NOVA1: variants seen among roughly 807,000 people sequenced by gnomAD.
NOVA1 encodes RNA-binding protein Nova-1.
A neutral mutation model predicts 38.0 loss-of-function variants in NOVA1; 7 were observed. That is an observed-to-expected ratio of 0.18 (90% CI 0.10 to 0.35). NOVA1 has a LOEUF of 0.35. Ranked by LOEUF, NOVA1 falls within the 10% of genes least tolerant of loss-of-function variation. NOVA1 has a pLI of 1.00. For synonymous variants in NOVA1, 270 were observed against 232.5 expected (o/e 1.16, Z -1.47); for missense variants, 460 against 616.0 (o/e 0.75, Z 2.68).
At chr14:26,456,091 T>C (rs1050998952) in intron 4 of NOVA1, among the ~76,000 whole-genome samples, 1 of 152,010 alleles carries the variant, frequency 6.6e-6, no homozygotes. Flanking sequence ...AAGACATATG[T>C]TCAGAGTTCT....
chr14:26,539,870 G>GA (rs5807369), intron 2 of NOVA1, among the ~76,000 whole-genome samples: 75 of 147,996 alleles, frequency 5.1e-4, no homozygotes, highest in East Asian at 1.4e-3. Context: ...AGAGGCAAAG[G>GA]AAAAAAAAAA....
intron 3 of NOVA1, among the ~76,000 whole-genome samples, chr14:26,474,967 T>A (rs906600962): frequency 6.6e-6 from 1 of 152,006 alleles, no homozygotes; most frequent in Non-Finnish European, 1.5e-5. Context: ...CAGTTGATTG[T>A]TTTTTAAATA....
rs141249561 is a variant in NOVA1 at position 26,455,835 on chromosome 14, T to C, written c.520-6872A>G. ...AAAACTACTAGAAGTTAAATAACTA[T>C]GAAAAAACTATGAAGGTCATATAAT... On this transcript the variant is annotated intron_variant, in intron 4 of 4. Coordinates refer to ENST00000539517, the MANE Select transcript of NOVA1 (RefSeq NM_002515.3). 4.0e-3 allele frequency among the ~76,000 whole-genome samples: 601 copies of C among 152,040 alleles called. 5 individuals carry two copies. The highest frequency in any genetic ancestry group is 0.014 in the African/African-American group (564 of 41,532).
chr14:26,577,482 C>A (rs1892930581), intron 2 of NOVA1, among the ~76,000 whole-genome samples: 1 of 152,048 alleles, frequency 6.6e-6, no homozygotes. Flanking sequence ...ATACTGAATT[C>A]ACAGCCAACC....
chr14:26,554,201 G>C (rs1891341148), intron 2 of NOVA1, among the ~76,000 whole-genome samples: 1 of 143,620 alleles, frequency 7.0e-6, no homozygotes, highest in African/African-American at 2.5e-5. Flanking sequence ...GGAAGGGAGG[G>C]AGGGAGGGAG....
chr14:26,485,217 A>C (rs1885787957), intron 2 of NOVA1, among the ~76,000 whole-genome samples: 1 of 151,882 alleles, frequency 6.6e-6, no homozygotes, highest in South Asian at 2.1e-4. Context: ...TTAAATAAAC[A>C]ACTTCCTGAG....
At chr14:26,466,445 T>C (rs1279946455) in intron 4 of NOVA1, among the ~76,000 whole-genome samples, 1 of 152,086 alleles carries the variant, frequency 6.6e-6, no homozygotes, top group Non-Finnish European at 1.5e-5. Context: ...GAACTGGACA[T>C]AGTCTGGAGT....
intron 2 of NOVA1, among the ~76,000 whole-genome samples, chr14:26,571,804 T>C (rs1892495245): frequency 6.6e-6 from 1 of 152,204 alleles, no homozygotes; most frequent in South Asian, 2.1e-4. Context: ...AATAGAATAT[T>C]ATTACAAGCC....
chr14:26,515,866 T>C (rs1430530369), intron 2 of NOVA1, among the ~76,000 whole-genome samples: 1 of 152,060 alleles, frequency 6.6e-6, no homozygotes, highest in Non-Finnish European at 1.5e-5. Flanking sequence ...ATTTTAACAC[T>C]TACTGAGGTA....
At chr14:26,503,752 G>A (rs1362609791) in intron 2 of NOVA1, among the ~76,000 whole-genome samples, 1 of 151,838 alleles carries the variant, frequency 6.6e-6, no homozygotes, top group East Asian at 1.9e-4. Flanking sequence ...AACATCCAGA[G>A]GTTAGCTAAA....
chr14:26,514,211 A>G (rs550464486), intron 2 of NOVA1, among the ~76,000 whole-genome samples: 4 of 151,848 alleles, frequency 2.6e-5, no homozygotes, highest in Admixed American at 6.6e-5. Flanking sequence ...GTATAGGCAC[A>G]ATATATAGAT....
At chr14:26,580,949 G>T (rs1275489620) in intron 2 of NOVA1, among the ~76,000 whole-genome samples, 3 of 151,902 alleles carry the variant, frequency 2.0e-5, no homozygotes, top group African/African-American at 7.3e-5. Context: ...TAGAAAGGAG[G>T]TGAAAAATGA....
chr14:26,596,553 T>C lies in NOVA1; in HGVS notation c.136+748A>G, dbSNP rs763228441. The stretch of plus-strand genomic sequence containing the variant: ...AAGACCCCCATCCGTCTACAATGCA[T>C]ATGCTGGAGATAAATTCACCTCTGC... On this transcript the variant is annotated intron_variant, in intron 1 of 4. Transcript: ENST00000539517. 4 of 1,289,126 alleles carry C rather than the reference T, an allele frequency of 3.1e-6. No individual in the cohort carries two copies. In the South Asian group the frequency reaches 4.9e-5, roughly 16 times the overall value. 79.9% of individuals were successfully genotyped at this position (1,289,126 alleles called of 1,614,324 possible). A position where few individuals can be genotyped will look rare whatever the true frequency, so the allele number is the denominator to read the frequency against.
At chr14:26,555,429 CATTT>C (rs1223883873) in intron 2 of NOVA1, among the ~76,000 whole-genome samples, 1 of 152,062 alleles carries the variant, frequency 6.6e-6, no homozygotes, top group Non-Finnish European at 1.5e-5. Context: ...TGTTCTCATT[CATTT>C]AACAATCACT....
At chr14:26,542,320 T>A (rs970685269) in intron 2 of NOVA1, among the ~76,000 whole-genome samples, 1 of 151,930 alleles carries the variant, frequency 6.6e-6, no homozygotes, top group African/African-American at 2.4e-5. Context: ...TTTTTCAATT[T>A]TCTCTACTTA....
At chr14:26,509,972 G>A (rs957225873) in intron 2 of NOVA1, among the ~76,000 whole-genome samples, 4 of 152,086 alleles carry the variant, frequency 2.6e-5, no homozygotes, top group African/African-American at 7.2e-5. Flanking sequence ...GAGCCACCGC[G>A]CCTGGCCAAT....
chr14:26,592,513 T>G (rs1279042066), intron 2 of NOVA1, among the ~76,000 whole-genome samples: 1 of 151,528 alleles, frequency 6.6e-6, no homozygotes, highest in Non-Finnish European at 1.5e-5. Flanking sequence ...GATCTACTTG[T>G]AGATCATTTT....
At chr14:26,499,388 A>G (rs1887082188) in intron 2 of NOVA1, among the ~76,000 whole-genome samples, 1 of 152,160 alleles carries the variant, frequency 6.6e-6, no homozygotes, top group Admixed American at 6.5e-5. Context: ...TATACATAAA[A>G]CAATGTGAAT....
intron 2 of NOVA1, chr14:26,549,338 T>TG (rs1891027409): frequency 6.6e-6 from 1 of 151,874 alleles, no homozygotes; most frequent in African/African-American, 2.4e-5. Context: ...CAAGTTTTTT[T>TG]TTTTTTTTTT....
Sources: allele counts gnomAD v4.1 joint callset (sites outside exome capture counted in the v4.1 genomes callset), GRCh38; gene constraint gnomAD v4.1.1; transcripts MANE v1.5; gene names NCBI Gene and HGNC (gene_info 2026-07-23, HGNC 2026-07-21).